SIGLEC12: variants seen among roughly 807,000 people sequenced by gnomAD.
The protein encoded by SIGLEC12 is sialic acid-binding Ig-like lectin 12.
SIGLEC12 carries 43 observed loss-of-function variants against 54.1 expected under a neutral mutation model. The observed-to-expected ratio is 0.80, with a 90% CI of 0.62 to 1.03. The LOEUF is 1.03. Among genes scored for constraint, SIGLEC12 ranks in the 50% least tolerant of loss-of-function variants. The probability of loss-of-function intolerance (pLI) is 0.00; values close to 1 mark genes in which losing one functional copy is unlikely to be tolerated. For synonymous variants in SIGLEC12, 357 were observed against 307.6 expected (o/e 1.16, Z -1.68); for missense variants, 802 against 735.2 (o/e 1.09, Z -1.05).
At chr19:51,499,069 G>A in intron 4 of SIGLEC12, 101 bp downstream of exon 4, 3 of 1,275,982 alleles carry the variant, frequency 2.4e-6, no homozygotes, top group Admixed American at 1.8e-5. Flanking sequence ...GGGGGCCGGG[G>A]CTCACCCACA....
intron 7 of SIGLEC12, 105 bp from the exon 8 acceptor site, chr19:51,491,934 T>C: frequency 1.2e-6 from 1 of 848,076 alleles, no homozygotes; most frequent in South Asian, 2.0e-5. Context: ...ATTCATCCCA[T>C]GTGCACTTTG....
rs1990328795 is a variant in SIGLEC12, at chr19:51,499,441, A to T, written c.1084T>A (p.Ser362Thr). 3 of 1,576,592 alleles carry T rather than the reference A, an allele frequency of 1.9e-6. No homozygotes were observed. The highest frequency in any genetic ancestry group is 2.6e-6 in the Non-Finnish European group (3 of 1,165,430). ...GACGTCCTGGCCCAGAACTCACAGG[A>T]TATGTTGAGTCGGACAGCCCTGGTC... is the stretch of plus-strand genomic sequence containing the variant. Reference protein sequence around the residue: ...TMTRAVRLNISYPPQNLTMTV... With the variant: ...TMTRAVRLNITYPPQNLTMTV... Residue 362 changes from serine (S) to threonine (T), a missense_variant, in exon 3 of 8, where the codon TCC becomes ACC. Physicochemically the swap from Ser to Thr is moderately conservative, Grantham distance 58. Coordinates refer to ENST00000291707, the MANE Select transcript of SIGLEC12 (RefSeq NM_053003.4).
chr19:51,493,226 C>T lies in SIGLEC12; in HGVS notation c.1600-1397G>A, dbSNP rs75867797. Among the ~76,000 whole-genome samples, 259 of 152,330 alleles carry T rather than the reference C, an allele frequency of 1.7e-3. 2 individuals are homozygous for T. The East Asian group carries it at 0.031, about 18-fold the overall frequency. ...GCAGAGGACCCAGCTGCTCACCTTC[C>T]CTACACAGAAGCCCTTCTTGACTTA... On this transcript the variant is annotated intron_variant, in intron 7 of 7. Coordinates refer to ENST00000291707, the MANE Select transcript of SIGLEC12 (RefSeq NM_053003.4).
At chr19:51,497,135 T>C (rs1364979852) in intron 6 of SIGLEC12, among the ~76,000 whole-genome samples, 159 bp from the exon 7 acceptor site, 2 of 152,128 alleles carry the variant, frequency 1.3e-5, no homozygotes, top group Non-Finnish European at 1.5e-5. Context: ...AAACAGAGGC[T>C]CTTTTTTCCT....
At position 51,499,062 on chromosome 19, in the gene SIGLEC12, G is replaced by C. The variant is rs890592464; in HGVS notation, c.1135+108C>G. The C allele has an allele frequency of 1.4e-5, 16 of 1,149,236 alleles. No homozygotes were observed. The African/African-American group carries it at 1.7e-4, about 12-fold the overall frequency. The allele number at this position is 1,149,236 out of a possible 1,614,324, so 71.2% of individuals were successfully genotyped here. A position where few individuals can be genotyped will look rare whatever the true frequency, so the allele number is the denominator to read the frequency against. ...AAAGGCTGAGGCTGAGGGAGGGGGG[G>C]GCCGGGGCTCACCCACAAAAGGGTC... On this transcript the variant is annotated intron_variant, in intron 4 of 7. Transcript: ENST00000291707.
At position 51,499,661 on chromosome 19, in the gene SIGLEC12, G is replaced by T; in HGVS notation, c.864C>A (p.Pro288=). 2 of 1,614,084 alleles carry T rather than the reference G, an allele frequency of 1.2e-6. No individual in the cohort carries two copies. Among genetic ancestry groups the T allele is most frequent in the Non-Finnish European group, 1.7e-6 (2 of 1,179,990 alleles). The change falls in exon 3 of 8, where the codon CCC becomes CCA. Residue 288 remains proline, a synonymous_variant. Transcript: ENST00000291707. The part of the protein sequence containing the change: ...SIPGTLESGH[P]RNLTCSVPWA... ...AGGGCACAGAGCAGGTCAGGTTCCT[G>T]GGGTGGCCAGACTCCAGGGTCCCCG...
In SIGLEC12 at chr19:51,501,683, C is replaced by T. The variant is rs770777994; in HGVS notation, c.51G>A (p.Gly17=). 34 of 1,613,466 alleles carry T rather than the reference C, an allele frequency of 2.1e-5. No homozygotes were observed. The highest frequency in any genetic ancestry group is 2.7e-5 in the African/African-American group (2 of 74,568). ...LLPPLLCGRV[G]AKEQKDYLLT... ...GCAGGTAATCCTTCTGTTCCTTAGC[C>T]CCCACTCTCCCACAGAGCAGGGGTG... The change falls in exon 1 of 8, where the codon GGG becomes GGA. Residue 17 remains glycine (G), a synonymous_variant. Coordinates refer to ENST00000291707, the MANE Select transcript of SIGLEC12 (RefSeq NM_053003.4).
At chr19:51,497,904 C>T (rs1236615229) in intron 5 of SIGLEC12, 114 bp downstream of exon 5, 3 of 1,464,898 alleles carry the variant, frequency 2.0e-6, no homozygotes, top group Admixed American at 4.2e-5. Flanking sequence ...GCACTCACTG[C>T]TTGGCAGCAA....
chr19:51,500,920 G>A (rs1407959009), intron 1 of SIGLEC12, among the ~76,000 whole-genome samples: 6 of 152,248 alleles, frequency 3.9e-5, no homozygotes, highest in East Asian at 1.9e-4. Context: ...CAGGACGTTT[G>A]ACAATGTGTG....
chr19:51,497,278 G>A lies in SIGLEC12; in HGVS notation c.1502+71C>T. On this transcript the variant is annotated intron_variant, in intron 6 of 7. Transcript: ENST00000291707. ...TCTTGACCCATCCAGGTCCTTCCAGGTCTGGCTTCAGGGATTTTGTTCCCA... is the reference window on the plus strand; with the variant it reads ...TCTTGACCCATCCAGGTCCTTCCAGATCTGGCTTCAGGGATTTTGTTCCCA... 3 of 1,385,936 alleles carry A rather than the reference G, an allele frequency of 2.2e-6. No homozygotes were observed. The South Asian group carries it at 3.7e-5, about 17-fold the overall frequency. 85.9% of individuals were successfully genotyped at this position (1,385,936 alleles called of 1,614,324 possible).
chr19:51,499,845 T>TG (rs1447780426), intron 2 of SIGLEC12, 75 bp downstream of exon 2: 16 of 1,548,852 alleles, frequency 1.0e-5, no homozygotes, highest in Admixed American at 3.7e-5. Flanking sequence ...CCTCCCAGGA[T>TG]GGGGGTCCCA....
Position 51,499,478 on chromosome 19 carries a change from G to C in SIGLEC12, c.1047C>G (p.Ala349=). 6.2e-7 allele frequency: 1 copy of C among 1,604,166 alleles called. No individual in the cohort carries two copies. Residue 349 remains alanine (A), a synonymous_variant, in exon 3 of 8, where the codon GCC becomes GCG. Transcript: ENST00000291707. ...GGACAGCCCTGGTCATGGTCACGCC[G>C]GCCCCAGGCAAGGTCACCTGACAGG... The part of the protein sequence containing the change: ...SLTCQVTLPG[A]GVTMTRAVRL...
intron 3 of SIGLEC12, 85 bp downstream of exon 3, chr19:51,499,353 C>T (rs1990326975): frequency 1.3e-6 from 2 of 1,555,536 alleles, no homozygotes; most frequent in Non-Finnish European, 1.7e-6. Context: ...GATTCCAGGA[C>T]CCAGATCCTT....
Position 51,497,390 on chromosome 19 carries a change from G to A in SIGLEC12, c.1461C>T (p.Ala487=). 2 of 1,613,304 alleles carry A rather than the reference G, an allele frequency of 1.2e-6. No individual in the cohort carries two copies. Among genetic ancestry groups the A allele is most frequent in the Non-Finnish European group, 1.7e-6 (2 of 1,179,376 alleles). The change falls in exon 6 of 8, where the codon GCC becomes GCT. Residue 487 remains alanine, a synonymous_variant. Coordinates refer to ENST00000291707, the MANE Select transcript of SIGLEC12 (RefSeq NM_053003.4). ...VTLGAFGGAG[A]TALVFLYFCI... is the part of the protein sequence containing the mutation. ...AGAAGTACAGGAAGACCAGGGCTGT[G>A]GCTCCAGCTCCCCCGAATGCCCCTA...
At position 51,498,209 on chromosome 19, in the gene SIGLEC12, C is replaced by G. The variant is rs1990295037; in HGVS notation, c.1214G>C (p.Ser405Thr). 6.2e-7 allele frequency: 1 copy of G among 1,614,038 alleles called. No homozygotes were observed. Among genetic ancestry groups the G allele is most frequent in the African/African-American group, 1.3e-5 (1 of 74,928 alleles). ...CCAGCTCAGCCTGGCAGGGGGATTG[C>G]TGTCGACAGCACAGACAAGGTGCAG... ...QSLHLVCAVDSNPPARLSWTW... is the reference protein window; with the variant it reads ...QSLHLVCAVDTNPPARLSWTW... Residue 405 changes from serine to threonine, a missense_variant, in exon 5 of 8, where the codon AGC becomes ACC. Transcript: ENST00000291707.
In SIGLEC12 at chr19:51,498,049, G is replaced by A. The variant is rs766582524; in HGVS notation, c.1374C>T (p.Ser458=). 6.2e-7 allele frequency: 1 copy of A among 1,614,208 alleles called. No individual in the cohort carries two copies. Among genetic ancestry groups the A allele is most frequent in the Non-Finnish European group, 8.5e-7 (1 of 1,180,022 alleles). ...ACTCGTTTTGCAGGGAGAGGCTCAGGGAAATGTGCTGGGAGCCTAGAGGGT... is the reference window on the plus strand; with the variant it reads ...ACTCGTTTTGCAGGGAGAGGCTCAGAGAAATGTGCTGGGAGCCTAGAGGGT... ...AQNPLGSQHI[S]LSLSLQNEYT... Residue 458 remains serine (S), a synonymous_variant, in exon 5 of 8, where the codon TCC becomes TCT. Transcript: ENST00000291707.
chr19:51,499,850 G>T (rs1168036101), intron 2 of SIGLEC12, 70 bp downstream of exon 2: 28 of 1,549,932 alleles, frequency 1.8e-5, no homozygotes, highest in African/African-American at 2.7e-5. Context: ...CAGGATGGGG[G>T]TCCCACCTCA....
intron 7 of SIGLEC12, among the ~76,000 whole-genome samples, chr19:51,493,050 A>T (rs1156560363): frequency 1.3e-5 from 2 of 151,986 alleles, no homozygotes; most frequent in African/African-American, 4.8e-5. Flanking sequence ...ACTGTTTGTG[A>T]TTTCACTCCC....
intron 4 of SIGLEC12, 87 bp downstream of exon 4, chr19:51,499,083 G>A: frequency 6.9e-7 from 1 of 1,443,986 alleles, no homozygotes; most frequent in Non-Finnish European, 9.7e-7. Context: ...ACCCACAAAA[G>A]GGTCTCAGGT....
Sources: allele counts gnomAD v4.1 joint callset (sites outside exome capture counted in the v4.1 genomes callset), GRCh38; gene constraint gnomAD v4.1.1; transcripts MANE v1.5; gene names NCBI Gene and HGNC (gene_info 2026-07-23, HGNC 2026-07-21).